The following CARMIL1 variants were observed in gnomAD, a reference collection of about 807,000 sequenced individuals.
CARMIL1 encodes the protein capping protein regulator and myosin 1 linker 1.
Under a neutral mutation model 177.1 loss-of-function variants are expected in CARMIL1, and 90 were observed. That is an observed-to-expected ratio of 0.51 (90% confidence interval 0.43 to 0.61). The LOEUF is 0.61. Among genes scored for constraint, CARMIL1 ranks in the 20% least tolerant of loss-of-function variants. CARMIL1 has a pLI of 0.00. For synonymous variants in CARMIL1, 577 were observed against 606.2 expected, an observed-to-expected ratio of 0.95 and a Z score of 0.71; for missense variants, 1,380 against 1,667.0, an observed-to-expected ratio of 0.83 and a Z score of 3.00.
intron 2 of CARMIL1, among the ~76,000 whole-genome samples, chr6:25,392,016 G>A (rs549905518): frequency 6.6e-6 from 1 of 151,430 alleles, no homozygotes; most frequent in South Asian, 2.1e-4. Context: ...ATTCATCTTA[G>A]GCTGTTTTTT....
chr6:25,541,377 T>C (rs550759950), intron 26 of CARMIL1, among the ~76,000 whole-genome samples: 13 of 152,330 alleles, frequency 8.5e-5, no homozygotes, highest in African/African-American at 3.1e-4. Context: ...CAATTATAGG[T>C]TGATGAATAA....
intron 26 of CARMIL1, among the ~76,000 whole-genome samples, chr6:25,546,113 C>T (rs547861100): frequency 6.6e-6 from 1 of 152,040 alleles, no homozygotes; most frequent in South Asian, 2.1e-4. Context: ...GCTTATTGTC[C>T]TATTTTTTCC....
intron 9 of CARMIL1, among the ~76,000 whole-genome samples, 199 bp from the exon 10 acceptor site, chr6:25,470,969 GA>G (rs1240235296): frequency 1.3e-5 from 2 of 152,172 alleles, no homozygotes; most frequent in Non-Finnish European, 2.9e-5. Flanking sequence ...GCACACTCTT[GA>G]AGGCCGGGAC....
At chr6:25,351,701 C>A (rs1209211411) in intron 2 of CARMIL1, among the ~76,000 whole-genome samples, 1 of 152,176 alleles carries the variant, frequency 6.6e-6, no homozygotes, top group Non-Finnish European at 1.5e-5. Context: ...GGAATTCCAG[C>A]CCAGCTACTT....
chr6:25,567,271 G>A lies in CARMIL1; in HGVS notation c.2742+10421G>A, dbSNP rs60969395. On this transcript the variant is annotated intron_variant, in intron 29 of 36. Coordinates refer to ENST00000329474, the MANE Select transcript of CARMIL1 (RefSeq NM_017640.6). The stretch of plus-strand genomic sequence containing the variant: ...TTTGCACTGAGGGCTTACACTGAGT[G>A]TTCGGTGGATAGTATCTTTATTCCC... 8.0e-3 allele frequency among the ~76,000 whole-genome samples: 1,219 copies of A among 152,262 alleles called. 13 individuals are homozygous for A. Among genetic ancestry groups the A allele is most frequent in the African/African-American group, 0.028 (1,153 of 41,536 alleles).
chr6:25,307,035 C>T (rs138823374), intron 2 of CARMIL1, among the ~76,000 whole-genome samples: 15 of 152,128 alleles, frequency 9.9e-5, no homozygotes, highest in South Asian at 2.1e-4. Context: ...CCTGCCACCA[C>T]GCCTGGCTAA....
intron 2 of CARMIL1, among the ~76,000 whole-genome samples, chr6:25,367,765 CT>C (rs1789979115): frequency 1.3e-5 from 2 of 152,104 alleles, no homozygotes; most frequent in Non-Finnish European, 2.9e-5. Flanking sequence ...CATTCAGACT[CT>C]CCCCCAAACC....
At chr6:25,390,450 T>C (rs938485471) in intron 2 of CARMIL1, among the ~76,000 whole-genome samples, 4 of 150,298 alleles carry the variant, frequency 2.7e-5, no homozygotes, top group Non-Finnish European at 3.0e-5. Flanking sequence ...GCCTCCCAAG[T>C]AGCTACAACT....
intron 2 of CARMIL1, among the ~76,000 whole-genome samples, chr6:25,375,517 A>C (rs1015895695): frequency 6.6e-6 from 1 of 152,142 alleles, no homozygotes; most frequent in African/African-American, 2.4e-5. Flanking sequence ...TGCTTCTTGC[A>C]TTTGGTTACC....
At chr6:25,601,757 T>A (rs1367957765) in intron 33 of CARMIL1, among the ~76,000 whole-genome samples, 2 of 152,226 alleles carry the variant, frequency 1.3e-5, no homozygotes, top group African/African-American at 4.8e-5. Context: ...ACATTATTTA[T>A]TCTTCAAATC....
At chr6:25,353,295 G>A (rs1226421587) in intron 2 of CARMIL1, among the ~76,000 whole-genome samples, 1 of 152,234 alleles carries the variant, frequency 6.6e-6, no homozygotes, top group Non-Finnish European at 1.5e-5. Flanking sequence ...TAGGAGAGAT[G>A]TGTTATTATC....
rs114625159 is a variant in CARMIL1, at chr6:25,384,284, G to A, written c.139-35830G>A. 6.8e-3 allele frequency among the ~76,000 whole-genome samples: 1,041 copies of A among 152,322 alleles called. 7 individuals are homozygous for A. The highest frequency in any genetic ancestry group is 0.023 in the African/African-American group (964 of 41,576). ...GCACCATTGCCAACACAGCTCACAC[G>A]CAGCAACAGCACGTTTTGTTGGTTT... On this transcript the variant is annotated intron_variant, in intron 2 of 36. Coordinates refer to ENST00000329474, the MANE Select transcript of CARMIL1 (RefSeq NM_017640.6).
chr6:25,522,872 C>G (rs1416528866), intron 23 of CARMIL1, among the ~76,000 whole-genome samples: 1 of 152,106 alleles, frequency 6.6e-6, no homozygotes, highest in African/African-American at 2.4e-5. Context: ...TGCAGTGGTG[C>G]AGTCATGGCT....
At chr6:25,480,372 G>A (rs1290182733) in intron 11 of CARMIL1, among the ~76,000 whole-genome samples, 1 of 151,860 alleles carries the variant, frequency 6.6e-6, no homozygotes, top group Non-Finnish European at 1.5e-5. Flanking sequence ...TCAGAGCATA[G>A]ATTTAGAGTA....
chr6:25,280,643 T>C (rs1781014951), intron 1 of CARMIL1, among the ~76,000 whole-genome samples: 1 of 151,786 alleles, frequency 6.6e-6, no homozygotes, highest in Non-Finnish European at 1.5e-5. Context: ...GGGGTTTAAC[T>C]TAATTATCTG....
chr6:25,309,910 C>T (rs1303182356), intron 2 of CARMIL1, among the ~76,000 whole-genome samples: 1 of 151,780 alleles, frequency 6.6e-6, no homozygotes, highest in Non-Finnish European at 1.5e-5. Flanking sequence ...GTTGGGATTA[C>T]AGGTGCACGC....
chr6:25,280,101 G>T (rs893019874), intron 1 of CARMIL1, among the ~76,000 whole-genome samples: 1 of 152,176 alleles, frequency 6.6e-6, no homozygotes, highest in Non-Finnish European at 1.5e-5. Context: ...GTGAGCCCTG[G>T]GCACCTCCTC....
chr6:25,307,079 C>A, intron 2 of CARMIL1, among the ~76,000 whole-genome samples: 1 of 152,060 alleles, frequency 6.6e-6, no homozygotes. Flanking sequence ...CAGGTTTTCA[C>A]CATGTTGGCC....
intron 2 of CARMIL1, among the ~76,000 whole-genome samples, chr6:25,381,126 TC>T (rs1349067059): frequency 6.6e-6 from 1 of 152,208 alleles, no homozygotes; most frequent in East Asian, 1.9e-4. Context: ...TTTCACTTAG[TC>T]ACCTTAATTC....
Sources: allele counts gnomAD v4.1 joint callset (sites outside exome capture counted in the v4.1 genomes callset), GRCh38; gene constraint gnomAD v4.1.1; transcripts MANE v1.5; gene names NCBI Gene and HGNC (gene_info 2026-07-23, HGNC 2026-07-21).